The following PDLIM5 variants were observed in gnomAD, a reference collection of about 807,000 sequenced individuals.
The protein encoded by PDLIM5 is PDZ and LIM domain protein 5.
Under a neutral mutation model 64.2 loss-of-function variants are expected in PDLIM5, and 34 were observed. The observed-to-expected ratio is 0.53, with a 90% CI of 0.40 to 0.71. The LOEUF is 0.71. PDLIM5 is among the 30% of genes least tolerant of loss of function. The pLI is 0.00. For synonymous variants in PDLIM5, 253 were observed against 269.1 expected, an observed-to-expected ratio of 0.94 and a Z score of 0.59; for missense variants, 683 against 733.6, an observed-to-expected ratio of 0.93 and a Z score of 0.80.
At chr4:94,469,017 A>T (rs1724614531) in intron 2 of PDLIM5, among the ~76,000 whole-genome samples, 1 of 152,218 alleles carries the variant, frequency 6.6e-6, no homozygotes, top group Admixed American at 6.5e-5. Context: ...ATGAGCGTTG[A>T]TCACATAGCC....
chr4:94,492,987 C>G (rs911851870), intron 2 of PDLIM5, among the ~76,000 whole-genome samples: 40 of 152,266 alleles, frequency 2.6e-4, no homozygotes, highest in African/African-American at 8.9e-4. Context: ...TAACTTCCCA[C>G]CAGCAGTGTA....
intron 2 of PDLIM5, among the ~76,000 whole-genome samples, chr4:94,468,301 C>T (rs950108564): frequency 1.3e-5 from 2 of 152,086 alleles, no homozygotes; most frequent in East Asian, 1.9e-4. Flanking sequence ...TGCAGGTGTG[C>T]GCCACTGTGC....
chr4:94,653,833 T>C (rs1742018492), intron 9 of PDLIM5, among the ~76,000 whole-genome samples: 1 of 152,146 alleles, frequency 6.6e-6, no homozygotes, highest in African/African-American at 2.4e-5. Flanking sequence ...AAATGAAACC[T>C]TTCTGAGTAG....
chr4:94,545,983 ATTGTCTATTCTAT>A (rs1732278807), intron 3 of PDLIM5, among the ~76,000 whole-genome samples: 1 of 152,226 alleles, frequency 6.6e-6, no homozygotes, highest in East Asian at 1.9e-4. Context: ...CTCCTAGACT[ATTGTCTATTCTAT>A]TTGTCTTAAG....
At chr4:94,613,582 C>G (rs1738537880) in intron 7 of PDLIM5, among the ~76,000 whole-genome samples, 1 of 151,960 alleles carries the variant, frequency 6.6e-6, no homozygotes, top group Non-Finnish European at 1.5e-5. Context: ...AAACAAAAAC[C>G]TTGGTATTCT....
chr4:94,502,361 T>C (rs1728000741), intron 2 of PDLIM5, among the ~76,000 whole-genome samples: 1 of 152,168 alleles, frequency 6.6e-6, no homozygotes, highest in African/African-American at 2.4e-5. Context: ...ATGTGTCAAA[T>C]GTGTTATCTC....
intron 3 of PDLIM5, among the ~76,000 whole-genome samples, chr4:94,544,251 A>T (rs1732110848): frequency 6.6e-6 from 1 of 152,126 alleles, no homozygotes; most frequent in Admixed American, 6.5e-5. Flanking sequence ...GGATGATCCC[A>T]TCTCAAGATT....
At chr4:94,581,347 C>A (rs1735717133) in intron 5 of PDLIM5, among the ~76,000 whole-genome samples, 1 of 152,122 alleles carries the variant, frequency 6.6e-6, no homozygotes, top group South Asian at 2.1e-4. Flanking sequence ...ACATTTGCCC[C>A]CATTTAACTT....
At position 94,662,497 on chromosome 4, in the gene PDLIM5, C is replaced by G; in HGVS notation, c.1661C>G (p.Ala554Gly). The G allele has an allele frequency of 6.2e-7, 1 of 1,605,166 alleles. No individual in the cohort carries two copies. ...GAAGCTGGTGACATGTTCCTGGAAG[C>G]TCTGGGCTACACCTGGCATGACACT... ...PIEAGDMFLE[A>G]LGYTWHDTCF... is the part of the protein sequence containing the mutation. Residue 554 changes from alanine to glycine, a missense_variant, in exon 12 of 13, where the codon GCT (alanine) becomes GGT (glycine). Physicochemically the swap from Ala to Gly is moderately conservative, Grantham distance 60. Transcript: ENST00000317968.
At chr4:94,590,500 A>G (rs1419659156) in intron 7 of PDLIM5, among the ~76,000 whole-genome samples, 1 of 152,248 alleles carries the variant, frequency 6.6e-6, no homozygotes, top group Non-Finnish European at 1.5e-5. Context: ...AATGAATAAC[A>G]GATAAATGTA....
intron 2 of PDLIM5, among the ~76,000 whole-genome samples, chr4:94,478,890 GTTTTT>G (rs67013211): frequency 0.41 from 37,833 of 93,384 alleles, 6,947 homozygotes; most frequent in Non-Finnish European, 0.46. Context: ...TGTGCTTGGT[GTTTTT>G]TTTTTTTTTT....
At chr4:94,530,803 A>G (rs1031751184) in intron 3 of PDLIM5, among the ~76,000 whole-genome samples, 1 of 152,146 alleles carries the variant, frequency 6.6e-6, no homozygotes, top group Non-Finnish European at 1.5e-5. Flanking sequence ...AGATTGGAGT[A>G]ATTTAATAGG....
chr4:94,618,959 G>A lies in PDLIM5; in HGVS notation c.1108+768G>A, dbSNP rs77700179. Among the ~76,000 whole-genome samples the A allele has an allele frequency of 6.3e-3, 965 of 152,236 alleles. 13 individuals carry two copies. The highest frequency in any genetic ancestry group is 0.022 in the African/African-American group (929 of 41,534). On this transcript the variant is annotated intron_variant, in intron 8 of 12. Coordinates refer to ENST00000317968, the MANE Select transcript of PDLIM5 (RefSeq NM_006457.5). Reference sequence around the variant, plus strand: ...CTCACTCTTTATGCTCTCCCTGGGTGATCTCTCATCCAGGTTCCTTTCATT... The same window carrying A: ...CTCACTCTTTATGCTCTCCCTGGGTAATCTCTCATCCAGGTTCCTTTCATT...
chr4:94,508,919 A>C (rs1728628793), intron 2 of PDLIM5, among the ~76,000 whole-genome samples: 1 of 152,162 alleles, frequency 6.6e-6, no homozygotes, highest in Non-Finnish European at 1.5e-5. Context: ...TTCCTTGGAA[A>C]TGGTAGTGTT....
intron 3 of PDLIM5, among the ~76,000 whole-genome samples, chr4:94,547,281 G>A (rs1732407696): frequency 1.3e-5 from 2 of 151,992 alleles, no homozygotes; most frequent in Admixed American, 6.6e-5. Flanking sequence ...TAAAATTAAC[G>A]GGTCGACCTT....
intron 1 of PDLIM5, among the ~76,000 whole-genome samples, chr4:94,453,278 A>G (rs1343608374): frequency 6.6e-6 from 1 of 152,210 alleles, no homozygotes; most frequent in African/African-American, 2.4e-5. Context: ...GGAAAGGCCA[A>G]TAAAAATATT....
chr4:94,513,235 A>G (rs1305671800), intron 2 of PDLIM5, among the ~76,000 whole-genome samples: 1 of 152,058 alleles, frequency 6.6e-6, no homozygotes, highest in East Asian at 1.9e-4. Context: ...TTTCCACGTA[A>G]ATTTTAGGAT....
chr4:94,524,966 A>T (rs1409012088), intron 3 of PDLIM5, among the ~76,000 whole-genome samples: 1 of 152,104 alleles, frequency 6.6e-6, no homozygotes, highest in Non-Finnish European at 1.5e-5. Context: ...AGTTATGGAG[A>T]TTTTAAGCAA....
chr4:94,541,630 C>G (rs2110184769), intron 3 of PDLIM5, among the ~76,000 whole-genome samples: 1 of 152,296 alleles, frequency 6.6e-6, no homozygotes, highest in African/African-American at 2.4e-5. Context: ...TACCCAGCCC[C>G]TTGTTTTGTC....
Sources: gnomAD v4.1 joint callset for allele counts (sites outside exome capture counted in the v4.1 genomes callset) on GRCh38, gnomAD v4.1.1 for gene constraint, MANE v1.5 for transcripts, NCBI Gene and HGNC (gene_info 2026-07-23, HGNC 2026-07-21) for gene names.